MIDEAS: variants seen among roughly 807,000 people sequenced by gnomAD.
MIDEAS encodes the protein mitotic deacetylase associated SANT domain protein.
A neutral mutation model predicts 102.7 loss-of-function variants in MIDEAS; 26 were observed. That is an observed-to-expected ratio of 0.25 (90% CI 0.19 to 0.35). MIDEAS has a LOEUF of 0.35. MIDEAS is among the 10% of genes least tolerant of loss of function. The pLI is 1.00. For missense variants in MIDEAS, 1,231 were observed against 1,435.6 expected (o/e 0.86, Z 2.30); for synonymous variants, 585 against 591.0 (o/e 0.99, Z 0.15).
chr14:73,768,898 C>CA (rs1488623523), intron 1 of MIDEAS, among the ~76,000 whole-genome samples: 1 of 152,156 alleles, frequency 6.6e-6, no homozygotes, highest in East Asian at 1.9e-4. Context: ...GTAGCACTGC[C>CA]AGGGAGGGTT....
chr14:73,727,056 G>A, intron 5 of MIDEAS, 84 bp from the exon 6 acceptor site: 1 of 1,501,970 alleles, frequency 6.7e-7, no homozygotes, highest in Non-Finnish European at 9.0e-7. Flanking sequence ...GGAAGAAGAT[G>A]AGGGGGAGCC....
intron 1 of MIDEAS, among the ~76,000 whole-genome samples, chr14:73,772,794 A>AGAGTGTGT (rs1555345949): frequency 1.5e-5 from 2 of 135,628 alleles, no homozygotes; most frequent in Non-Finnish European, 3.1e-5. Flanking sequence ...TTCAAGTTCT[A>AGAGTGTGT]GTGTGTGTGT....
chr14:73,783,117 C>T (rs893161919), intron 1 of MIDEAS, among the ~76,000 whole-genome samples: 2 of 152,132 alleles, frequency 1.3e-5, no homozygotes, highest in Non-Finnish European at 2.9e-5. Context: ...TTTATTCACC[C>T]AAAGGCTCAT....
chr14:73,767,990 T>C (rs1661007001), intron 1 of MIDEAS, among the ~76,000 whole-genome samples: 1 of 151,540 alleles, frequency 6.6e-6, no homozygotes, highest in South Asian at 2.1e-4. Context: ...GAAACCCCCA[T>C]CTCCACAAAA....
intron 1 of MIDEAS, among the ~76,000 whole-genome samples, chr14:73,775,134 T>C (rs771228871): frequency 6.6e-6 from 1 of 151,724 alleles, no homozygotes; most frequent in Non-Finnish European, 1.5e-5. Flanking sequence ...CAAGAGCATA[T>C]AACAAGGCGA....
In MIDEAS at chr14:73,721,294, C is replaced by T. The variant is rs370994483; in HGVS notation, c.2937+3G>A. 3.7e-6 allele frequency: 6 copies of T among 1,611,870 alleles called. No individual in the cohort carries two copies. The African/African-American group carries it at 5.3e-5, about 14-fold the overall frequency. On this transcript the variant is annotated splice_donor_region_variant and intron_variant, in intron 11 of 12. Transcript: ENST00000423556. ...GGGCTCAGCCCATGGTGGTCACACT[C>T]ACCGACTCATTGGCCTGTAGTGTCT...
chr14:73,736,021 G>A (rs377755749), intron 3 of MIDEAS, among the ~76,000 whole-genome samples: 67 of 152,260 alleles, frequency 4.4e-4, no homozygotes, highest in Admixed American at 1.2e-3. Context: ...GCCAGGCTTC[G>A]TGATGCATGC....
At chr14:73,754,410 G>C (rs925492612) in intron 1 of MIDEAS, among the ~76,000 whole-genome samples, 5 of 152,210 alleles carry the variant, frequency 3.3e-5, no homozygotes, top group African/African-American at 1.2e-4. Flanking sequence ...AGCCAGCTGA[G>C]GACTGAGCCA....
chr14:73,740,902 C>G (rs1297200641), intron 1 of MIDEAS, among the ~76,000 whole-genome samples: 1 of 152,260 alleles, frequency 6.6e-6, no homozygotes, highest in Non-Finnish European at 1.5e-5. Flanking sequence ...GGCCCAGGGT[C>G]AGGCTCACCA....
In MIDEAS at chr14:73,722,731, C is replaced by G. The variant is rs1241189404; in HGVS notation, c.2691G>C (p.Lys897Asn). The change falls in exon 10 of 13, where the codon AAG (lysine) becomes AAC (asparagine). Residue 897 changes from lysine (K) to asparagine (N), a missense_variant. Around this residue, in one of 5 missense-constraint regions of MIDEAS, gnomAD observed 391 missense variants for 483.0 expected, o/e 0.81. Transcript: ENST00000423556. ...TFGDVDTSDEKSAQEEVEVDI... is the reference protein window; with the variant it reads ...TFGDVDTSDENSAQEEVEVDI... The stretch of plus-strand genomic sequence containing the variant: ...CCACTTCAACCTCTTCCTGGGCCGA[C>G]TTCTCATCGCTCGTATCCACATCCC... 1.2e-6 allele frequency: 2 copies of G among 1,614,188 alleles called. No individual in the cohort carries two copies. The highest frequency in any genetic ancestry group is 3.3e-5 in the Admixed American group (2 of 60,030).
At position 73,737,037 on chromosome 14, in the gene MIDEAS, C is replaced by T. The variant is rs781035516; in HGVS notation, c.1710G>A (p.Arg570=). The T allele has an allele frequency of 4.3e-6, 7 of 1,613,954 alleles. No individual in the cohort carries two copies. The highest frequency in any genetic ancestry group is 1.7e-5 in the Admixed American group (1 of 60,020). Residue 570 remains arginine, a synonymous_variant, in exon 3 of 13, where the codon AGG becomes AGA. Coordinates refer to ENST00000423556, the MANE Select transcript of MIDEAS (RefSeq NM_001367710.1). ...EHKPSVIVTR[R]RSTRIPGTDA... ...CTGTCCCGGGGATTCGGGTGGACCG[C>T]CTGCGGGTGACGATGACTGATGGCT...
Position 73,725,480 on chromosome 14 carries a change from C to T in MIDEAS, c.2486-120G>A, listed in dbSNP as rs1200212997. 5 of 747,870 alleles carry T rather than the reference C, an allele frequency of 6.7e-6. No homozygotes were observed. The highest frequency in any genetic ancestry group is 1.6e-5 in the South Asian group (1 of 64,294). 46.3% of individuals were successfully genotyped at this position (747,870 alleles called of 1,614,324 possible). A position where few individuals can be genotyped will look rare whatever the true frequency, so the allele number is the denominator to read the frequency against. ...CCATGGTTTCTGCAGGCATCAGAGC[C>T]GGCTCCTCGTCCCACTTCCATGTGC... On this transcript the variant is annotated intron_variant, in intron 8 of 12. Coordinates refer to ENST00000423556, the MANE Select transcript of MIDEAS (RefSeq NM_001367710.1). This position sits in a 1 kb window ranked among gnomAD's most constrained non-coding sequence, Gnocchi z 4.1.
At chr14:73,789,744 G>C (rs576933881), upstream of MIDEAS, 1 of 152,326 alleles carries the variant, frequency 6.6e-6, no homozygotes, top group Admixed American at 6.5e-5. Context: ...GCAGAGCGAG[G>C]GTCATTCTTG....
At chr14:73,722,896 T>A in intron 9 of MIDEAS, 49 bp from the exon 10 acceptor site, 1 of 1,599,898 alleles carries the variant, frequency 6.3e-7, no homozygotes, top group Non-Finnish European at 8.5e-7. Context: ...TTGGCTCATC[T>A]GCCTGTGGAG....
intron 1 of MIDEAS, among the ~76,000 whole-genome samples, chr14:73,770,436 T>C (rs2053632718): frequency 6.6e-6 from 1 of 152,102 alleles, no homozygotes; most frequent in Admixed American, 6.5e-5. Flanking sequence ...TTCCTCATCA[T>C]AAACATACCA....
chr14:73,789,333 T>G (rs2053847807), upstream of MIDEAS, among the ~76,000 whole-genome samples: 1 of 152,138 alleles, frequency 6.6e-6, no homozygotes, highest in Non-Finnish European at 1.5e-5. Flanking sequence ...TAAGGCAGCC[T>G]GGTAGAAAGG....
At chr14:73,783,334 C>A (rs993593602) in intron 1 of MIDEAS, among the ~76,000 whole-genome samples, 4 of 152,054 alleles carry the variant, frequency 2.6e-5, no homozygotes, top group Non-Finnish European at 5.9e-5. Context: ...CTGAGCCAAG[C>A]GGATGAGAGG....
chr14:73,738,111 C>A (rs973493792), intron 2 of MIDEAS, among the ~76,000 whole-genome samples: 1 of 152,072 alleles, frequency 6.6e-6, no homozygotes, highest in Non-Finnish European at 1.5e-5. Flanking sequence ...ATAGAAAGTG[C>A]TTCTGGCTGG....
chr14:73,727,563 T>C lies in MIDEAS; in HGVS notation c.2096-39A>G. The C allele has an allele frequency of 4.5e-6, 7 of 1,561,950 alleles. No individual in the cohort carries two copies. The South Asian group carries it at 7.2e-5, about 16-fold the overall frequency. On this transcript the variant is annotated intron_variant, in intron 4 of 12. Coordinates refer to ENST00000423556, the MANE Select transcript of MIDEAS (RefSeq NM_001367710.1). ...AGCAGGTTGATAAATAGCACCCCCC[T>C]TTCAGCAAAGCACCCCCAATCCTAG...
Sources: gnomAD v4.1 joint callset for allele counts (sites outside exome capture counted in the v4.1 genomes callset) on GRCh38, gnomAD v4.1.1 for gene constraint, gnomAD v4.1.1 regional missense constraint, Gnocchi (gnomAD v3.1) non-coding constraint, MANE v1.5 for transcripts, NCBI Gene and HGNC (gene_info 2026-07-23, HGNC 2026-07-21) for gene names.